The following ROBO1 variants were observed in gnomAD, a reference collection of about 807,000 sequenced individuals.
ROBO1 encodes the protein roundabout guidance receptor 1, also known as roundabout homolog 1.
Under a neutral mutation model 195.9 loss-of-function variants are expected in ROBO1, and 149 were observed. That is an observed-to-expected ratio of 0.76 (90% CI 0.67 to 0.87). The LOEUF is 0.87. ROBO1 is among the 40% of genes least tolerant of loss of function. ROBO1 has a pLI of 0.00. For synonymous variants in ROBO1, 816 were observed against 733.2 expected (o/e 1.11, Z -1.82); for missense variants, 1,933 against 2,068.3 (o/e 0.93, Z 1.27).
chr3:79,406,276 A>C (rs914286822), intron 2 of ROBO1, among the ~76,000 whole-genome samples: 1 of 151,766 alleles, frequency 6.6e-6, no homozygotes, highest in Non-Finnish European at 1.5e-5. Context: ...CTAAAAAAAA[A>C]AGTTAACCAG....
At chr3:79,286,377 T>G (rs1396900611) in intron 2 of ROBO1, among the ~76,000 whole-genome samples, 2 of 152,198 alleles carry the variant, frequency 1.3e-5, no homozygotes, top group Admixed American at 6.5e-5. Flanking sequence ...ATCTTTCGAA[T>G]GTCCAATCAT....
chr3:78,788,322 G>A (rs1053369920), intron 4 of ROBO1, among the ~76,000 whole-genome samples: 3 of 149,774 alleles, frequency 2.0e-5, no homozygotes, highest in Non-Finnish European at 4.4e-5. Context: ...GTTTCACCGT[G>A]TTAGCCAGGA....
At chr3:78,989,504 C>T (rs902036518) in intron 3 of ROBO1, among the ~76,000 whole-genome samples, 4 of 152,150 alleles carry the variant, frequency 2.6e-5, no homozygotes, top group Non-Finnish European at 4.4e-5. Flanking sequence ...GTCCCAGCTA[C>T]TCAGGAGGCT....
chr3:78,861,532 A>G (rs553421197), intron 4 of ROBO1, among the ~76,000 whole-genome samples: 2 of 152,322 alleles, frequency 1.3e-5, no homozygotes, highest in African/African-American at 4.8e-5. Context: ...AAGGTTATAC[A>G]AATTCCCATT....
intron 1 of ROBO1, among the ~76,000 whole-genome samples, chr3:79,653,650 C>G (rs1946078406): frequency 6.6e-6 from 1 of 151,906 alleles, no homozygotes; most frequent in Non-Finnish European, 1.5e-5. Context: ...TGTTGAAAGG[C>G]CATCGGTAGA....
chr3:78,676,167 C>A (rs1321135787), intron 10 of ROBO1, among the ~76,000 whole-genome samples: 1 of 152,122 alleles, frequency 6.6e-6, no homozygotes, highest in African/African-American at 2.4e-5. Flanking sequence ...ACACCAAAAA[C>A]CCATCTATAC....
intron 2 of ROBO1, among the ~76,000 whole-genome samples, chr3:79,194,273 T>C (rs1000407267): frequency 4.0e-5 from 6 of 151,728 alleles, no homozygotes; most frequent in Non-Finnish European, 8.9e-5. Flanking sequence ...GCAAACATTG[T>C]ATGTACTGTT....
intron 4 of ROBO1, among the ~76,000 whole-genome samples, chr3:78,858,152 T>C (rs1042935928): frequency 6.6e-6 from 1 of 152,080 alleles, no homozygotes; most frequent in African/African-American, 2.4e-5. Context: ...TAAGTGTGGC[T>C]AGCTCATAAG....
chr3:79,569,107 C>G (rs555830577), intron 2 of ROBO1, among the ~76,000 whole-genome samples: 2 of 149,918 alleles, frequency 1.3e-5, no homozygotes, highest in Non-Finnish European at 3.0e-5. Flanking sequence ...TAACCAGACA[C>G]GCATGCGCGT....
At chr3:79,116,210 AT>A (rs2079990771) in intron 3 of ROBO1, among the ~76,000 whole-genome samples, 1 of 152,000 alleles carries the variant, frequency 6.6e-6, no homozygotes, top group South Asian at 2.1e-4. Flanking sequence ...ATGGCTTAGT[AT>A]TTGCATATAA....
chr3:79,214,414 A>G (rs1353737455), intron 2 of ROBO1, among the ~76,000 whole-genome samples: 1 of 152,096 alleles, frequency 6.6e-6, no homozygotes, highest in Non-Finnish European at 1.5e-5. Context: ...ACTCATTTGG[A>G]TATTGCTGTC....
At chr3:78,958,101 T>C (rs2041139032) in intron 3 of ROBO1, among the ~76,000 whole-genome samples, 1 of 152,186 alleles carries the variant, frequency 6.6e-6, no homozygotes, top group African/African-American at 2.4e-5. Context: ...ATACAGTCTT[T>C]TGAAAAAATA....
At chr3:79,532,726 CT>C (rs1274238979) in intron 2 of ROBO1, among the ~76,000 whole-genome samples, 1 of 152,090 alleles carries the variant, frequency 6.6e-6, no homozygotes, top group Non-Finnish European at 1.5e-5. Context: ...AACAAACAAA[CT>C]TGGAGGTTTT....
At chr3:78,752,980 T>C (rs563554525) in intron 4 of ROBO1, among the ~76,000 whole-genome samples, 12 of 152,282 alleles carry the variant, frequency 7.9e-5, no homozygotes, top group African/African-American at 2.9e-4. Context: ...AGAAGCACTT[T>C]TGAAGATTGG....
chr3:78,708,260 C>T (rs2081599440), intron 8 of ROBO1, among the ~76,000 whole-genome samples: 1 of 151,998 alleles, frequency 6.6e-6, no homozygotes, highest in Non-Finnish European at 1.5e-5. Flanking sequence ...GGCTTTATCA[C>T]CTATCTTTCG....
intron 14 of ROBO1, among the ~76,000 whole-genome samples, chr3:78,663,485 C>T (rs1045232820): frequency 6.6e-6 from 1 of 152,106 alleles, no homozygotes; most frequent in Non-Finnish European, 1.5e-5. Flanking sequence ...ACCCACTGGT[C>T]TCAATTGCTC....
intron 2 of ROBO1, among the ~76,000 whole-genome samples, chr3:79,387,996 C>T (rs556804986): frequency 6.6e-6 from 1 of 152,164 alleles, no homozygotes; most frequent in South Asian, 2.1e-4. Flanking sequence ...GTGATATGGA[C>T]CCATTGGAGG....
chr3:79,646,460 A>T (rs1371464304), intron 1 of ROBO1, among the ~76,000 whole-genome samples: 1 of 152,178 alleles, frequency 6.6e-6, no homozygotes, highest in Admixed American at 6.6e-5. Context: ...ACTGTTGGGA[A>T]TGTAAATTAG....
intron 4 of ROBO1, among the ~76,000 whole-genome samples, chr3:78,791,310 A>G (rs924013271): frequency 1.8e-4 from 28 of 152,204 alleles, no homozygotes; most frequent in Non-Finnish European, 4.4e-5. Flanking sequence ...AGATTAAAAT[A>G]GGAATTCATG....
Sources: allele counts gnomAD v4.1 joint callset (sites outside exome capture counted in the v4.1 genomes callset), GRCh38; gene constraint gnomAD v4.1.1; transcripts MANE v1.5; gene names NCBI Gene and HGNC (gene_info 2026-07-23, HGNC 2026-07-21).